The following SGCZ variants were observed in gnomAD, a reference collection of about 807,000 sequenced individuals.
SGCZ encodes zeta-sarcoglycan.
A neutral mutation model predicts 41.3 loss-of-function variants in SGCZ; 40 were observed. The ratio of observed to expected loss-of-function variants is 0.97; its 90% CI spans 0.75 to 1.26. The LOEUF (loss-of-function observed/expected upper bound fraction) is 1.26. SGCZ is among the 50% of genes most tolerant of loss of function. SGCZ has a pLI of 0.00. For missense variants in SGCZ, 552 were observed against 369.8 expected (o/e 1.49, Z -4.04); for synonymous variants, 206 against 137.5 (o/e 1.50, Z -3.49).
chr8:14,716,406 A>G (rs1224421873), intron 1 of SGCZ, among the ~76,000 whole-genome samples: 21 of 152,094 alleles, frequency 1.4e-4, no homozygotes, highest in Admixed American at 1.4e-3. Context: ...ATTACATAGC[A>G]TATTGATTAT....
At chr8:15,213,458 G>GA (rs952248415) in intron 1 of SGCZ, among the ~76,000 whole-genome samples, 1 of 151,196 alleles carries the variant, frequency 6.6e-6, no homozygotes, top group African/African-American at 2.4e-5. Context: ...GTATATTTGA[G>GA]AAAAAAATGA....
At chr8:14,887,815 C>T (rs1804867229) in intron 1 of SGCZ, among the ~76,000 whole-genome samples, 1 of 152,106 alleles carries the variant, frequency 6.6e-6, no homozygotes, top group African/African-American at 2.4e-5. Context: ...CCTGGCTTAT[C>T]TCATTTTCCC....
At chr8:15,083,728 C>G (rs1454589) in intron 1 of SGCZ, among the ~76,000 whole-genome samples, 144,252 of 152,098 alleles carry the variant, frequency 0.95, 68,476 homozygotes, top group Admixed American at 0.97. Flanking sequence ...GTTTTGGCGT[C>G]TGCTGTTTTT....
intron 1 of SGCZ, among the ~76,000 whole-genome samples, chr8:15,027,836 T>C (rs1456505927): frequency 2.0e-5 from 3 of 152,072 alleles, no homozygotes; most frequent in Non-Finnish European, 4.4e-5. Context: ...GTAAGATATA[T>C]TTATAGTGTA....
intron 1 of SGCZ, among the ~76,000 whole-genome samples, chr8:14,802,244 T>A (rs1487737831): frequency 6.6e-6 from 1 of 152,104 alleles, no homozygotes; most frequent in East Asian, 1.9e-4. Context: ...AGACAAAAAT[T>A]TAAACCCTTA....
chr8:15,209,760 G>T (rs1243453805), intron 1 of SGCZ, among the ~76,000 whole-genome samples: 4 of 57,506 alleles, frequency 7.0e-5, no homozygotes, highest in African/African-American at 1.8e-4. Flanking sequence ...ACCAGTAGTT[G>T]CCTTAAAAAA....
intron 3 of SGCZ, among the ~76,000 whole-genome samples, chr8:14,287,916 T>C (rs888159138): frequency 6.6e-6 from 1 of 152,140 alleles, no homozygotes; most frequent in Non-Finnish European, 1.5e-5. Context: ...TGATGTATTT[T>C]AGAGGGACTA....
chr8:14,331,810 G>A (rs1477671538), intron 2 of SGCZ, among the ~76,000 whole-genome samples: 1 of 151,442 alleles, frequency 6.6e-6, no homozygotes, highest in African/African-American at 2.4e-5. Flanking sequence ...TCTCTTAAGT[G>A]CACTGGTGTT....
At chr8:14,128,066 A>G (rs995409078) in intron 5 of SGCZ, among the ~76,000 whole-genome samples, 2 of 152,176 alleles carry the variant, frequency 1.3e-5, no homozygotes, top group East Asian at 3.9e-4. Flanking sequence ...GATAATAGCT[A>G]TCATTAAACA....
chr8:14,614,346 A>C (rs1585126338), intron 1 of SGCZ, among the ~76,000 whole-genome samples: 1 of 152,142 alleles, frequency 6.6e-6, no homozygotes, highest in Non-Finnish European at 1.5e-5. Flanking sequence ...TCCCATATCA[A>C]CCGCCTATAA....
chr8:14,746,698 G>A (rs1218723928), intron 1 of SGCZ, among the ~76,000 whole-genome samples: 7 of 152,158 alleles, frequency 4.6e-5, no homozygotes, highest in African/African-American at 1.7e-4. Context: ...AAGTCATCAT[G>A]ATTATATGGT....
intron 1 of SGCZ, among the ~76,000 whole-genome samples, chr8:15,009,193 C>A (rs549489992): frequency 2.9e-5 from 4 of 139,964 alleles, no homozygotes; most frequent in African/African-American, 1.0e-4. Flanking sequence ...GGAAGCATGG[C>A]TGGGGAGCCT....
At chr8:14,825,898 CT>C (rs1332940577) in intron 1 of SGCZ, among the ~76,000 whole-genome samples, 1 of 152,086 alleles carries the variant, frequency 6.6e-6, no homozygotes, top group Non-Finnish European at 1.5e-5. Context: ...CATTTTATGT[CT>C]GAATGACACT....
At chr8:14,517,243 TATC>T (rs1313341711) in intron 2 of SGCZ, among the ~76,000 whole-genome samples, 3 of 152,030 alleles carry the variant, frequency 2.0e-5, no homozygotes, top group East Asian at 3.9e-4. Context: ...CACAAGAACT[TATC>T]ATAAGAACAT....
At chr8:14,709,574 A>T (rs1482263286) in intron 1 of SGCZ, among the ~76,000 whole-genome samples, 1 of 152,214 alleles carries the variant, frequency 6.6e-6, no homozygotes, top group Non-Finnish European at 1.5e-5. Context: ...CATAAGCAGG[A>T]ATGCAAAGTT....
intron 1 of SGCZ, among the ~76,000 whole-genome samples, chr8:14,980,997 C>T (rs900864610): frequency 6.6e-6 from 1 of 152,184 alleles, no homozygotes; most frequent in African/African-American, 2.4e-5. Context: ...CTTTGCTCAA[C>T]TTGCCTTGAC....
intron 1 of SGCZ, among the ~76,000 whole-genome samples, chr8:15,218,550 A>G (rs1801491989): frequency 6.6e-6 from 1 of 152,286 alleles, no homozygotes; most frequent in East Asian, 1.9e-4. Flanking sequence ...CCATGCAAAG[A>G]CCAACACTCT....
intron 1 of SGCZ, among the ~76,000 whole-genome samples, chr8:15,080,764 T>G (rs1805715603): frequency 6.6e-6 from 1 of 152,144 alleles, no homozygotes; most frequent in South Asian, 2.1e-4. Flanking sequence ...CTAATTTTTT[T>G]TGTATTTTTA....
Position 14,087,367 on chromosome 8 carries a change from G to C in SGCZ, c.*3076C>G, listed in dbSNP as rs866150444. ...AAGAAAAGAATAATGTGTCCTCTTT[G>C]CATCTTTCCTTTTGTGATCCCCCAA... On this transcript the variant is annotated 3_prime_UTR_variant, in exon 8 of 8. Transcript: ENST00000382080. 1.3e-5 allele frequency among the ~76,000 whole-genome samples: 2 copies of C among 151,324 alleles called. No homozygotes were observed. The highest frequency in any genetic ancestry group is 2.1e-4 in the South Asian group (1 of 4,814).
Sources: allele counts gnomAD v4.1 joint callset (sites outside exome capture counted in the v4.1 genomes callset), GRCh38; gene constraint gnomAD v4.1.1; transcripts MANE v1.5; gene names NCBI Gene and HGNC (gene_info 2026-07-23, HGNC 2026-07-21).